Variants in WDR70 observed in about 807,000 individuals in gnomAD.
The protein encoded by WDR70 is WD repeat domain 70.
WDR70 carries 53 observed loss-of-function variants against 88.6 expected under a neutral mutation model. The observed-to-expected ratio is 0.60, with a 90% confidence interval of 0.48 to 0.75. WDR70 has a LOEUF of 0.75. Among genes scored for constraint, WDR70 ranks in the 30% least tolerant of loss-of-function variants. The probability of loss-of-function intolerance (pLI) is 0.00; values close to 1 mark genes in which losing one functional copy is unlikely to be tolerated. For missense variants in WDR70, 610 were observed against 823.2 expected, an observed-to-expected ratio of 0.74 and a Z score of 3.17; for synonymous variants, 280 against 270.0, an observed-to-expected ratio of 1.04 and a Z score of -0.36.
At chr5:37,471,040 C>A (rs11739453) in intron 7 of WDR70, among the ~76,000 whole-genome samples, 1 of 151,868 alleles carries the variant, frequency 6.6e-6, no homozygotes, top group Non-Finnish European at 1.5e-5. Flanking sequence ...TGAGCCACCA[C>A]GCATGGCTAA....
At chr5:37,697,515 A>G in intron 10 of WDR70, 140 bp from the exon 11 acceptor site, 1 of 627,262 alleles carries the variant, frequency 1.6e-6, no homozygotes, top group African/African-American at 1.8e-5. Context: ...TTAGAAAGCA[A>G]ATTATAATCA....
At chr5:37,529,731 C>G (rs1471907594) in intron 9 of WDR70, among the ~76,000 whole-genome samples, 1 of 151,960 alleles carries the variant, frequency 6.6e-6, no homozygotes, top group Non-Finnish European at 1.5e-5. Flanking sequence ...TTGGATGAGT[C>G]TTTAGGGTTT....
chr5:37,387,809 T>A (rs1259201091), intron 3 of WDR70, among the ~76,000 whole-genome samples: 9 of 152,142 alleles, frequency 5.9e-5, no homozygotes. Flanking sequence ...TTTGACTTAC[T>A]TTTCTTTAAA....
At chr5:37,478,288 GCTTCTCTTT>G (rs1739548304) in intron 7 of WDR70, among the ~76,000 whole-genome samples, 1 of 152,138 alleles carries the variant, frequency 6.6e-6, no homozygotes, top group South Asian at 2.1e-4. Flanking sequence ...ACCTGCCATG[GCTTCTCTTT>G]CACCAACAAA....
At chr5:37,724,142 C>A (rs1747902747) in intron 15 of WDR70, 1 of 152,068 alleles carries the variant, frequency 6.6e-6, no homozygotes, top group Admixed American at 6.6e-5. Flanking sequence ...ACTGCTAGTA[C>A]TTTTCTGGGG....
chr5:37,424,117 C>CG (rs1750041904), intron 5 of WDR70, among the ~76,000 whole-genome samples: 1 of 128,124 alleles, frequency 7.8e-6, no homozygotes, highest in East Asian at 2.3e-4. Flanking sequence ...CCACTGCATT[C>CG]CAGCCGTGGC....
chr5:37,660,883 CA>C (rs1249341243), intron 10 of WDR70, among the ~76,000 whole-genome samples: 1 of 151,886 alleles, frequency 6.6e-6, no homozygotes, highest in Non-Finnish European at 1.5e-5. Context: ...TATAATACAA[CA>C]ATAAAAGAAG....
chr5:37,550,498 G>A (rs963386747), intron 9 of WDR70, among the ~76,000 whole-genome samples: 2 of 152,204 alleles, frequency 1.3e-5, no homozygotes, highest in South Asian at 4.1e-4. Context: ...CATTTGGTCT[G>A]CAGTGCAGAT....
intron 10 of WDR70, among the ~76,000 whole-genome samples, chr5:37,622,905 A>C (rs148037570): frequency 2.0e-5 from 3 of 152,288 alleles, no homozygotes; most frequent in African/African-American, 7.2e-5. Context: ...AAAAAAAGAA[A>C]CATTCTAACC....
intron 9 of WDR70, among the ~76,000 whole-genome samples, chr5:37,565,639 C>A (rs1018480449): frequency 1.6e-4 from 25 of 151,994 alleles, no homozygotes; most frequent in South Asian, 1.2e-3. Flanking sequence ...ACTGTTAATT[C>A]CCAGGAAAAC....
chr5:37,635,520 G>A (rs1744937147), intron 10 of WDR70, among the ~76,000 whole-genome samples: 1 of 152,114 alleles, frequency 6.6e-6, no homozygotes, highest in South Asian at 2.1e-4. Flanking sequence ...TGCAGAATTG[G>A]ATTTGGTAGA....
In WDR70 at chr5:37,752,501, C is replaced by T; in HGVS notation, c.1893C>T (p.Thr631=). Reference sequence around the variant, plus strand: ...TTTCTTTTAGGACTCAGCCCAAAACCATGTTTGCCCAAGTTGAATCTGATG... The same window carrying T: ...TTTCTTTTAGGACTCAGCCCAAAACTATGTTTGCCCAAGTTGAATCTGATG... ...SPAYSKTQPK[T]MFAQVESDDE... Residue 631 remains threonine, a synonymous_variant, in exon 18 of 18, where the codon ACC becomes ACT. Transcript: ENST00000265107. 5 of 1,611,786 alleles carry T rather than the reference C, an allele frequency of 3.1e-6. No homozygotes were observed. The highest frequency in any genetic ancestry group is 4.2e-6 in the Non-Finnish European group (5 of 1,179,114).
At chr5:37,516,727 T>A (rs56721754) in intron 9 of WDR70, 137 bp downstream of exon 9, 4,726 of 138,538 alleles carry the variant, frequency 0.034, 133 homozygotes, top group African/African-American at 0.13. Context: ...ATATATATAT[T>A]TTTTTTTTTT....
chr5:37,751,258 C>T (rs1210100694), intron 17 of WDR70, among the ~76,000 whole-genome samples: 1 of 152,196 alleles, frequency 6.6e-6, no homozygotes, highest in African/African-American at 2.4e-5. Flanking sequence ...AACTTATGGC[C>T]TATCAAAACC....
At chr5:37,724,877 T>G in intron 15 of WDR70, 57 bp from the exon 16 acceptor site, 1 of 1,448,652 alleles carries the variant, frequency 6.9e-7, no homozygotes, top group Non-Finnish European at 9.7e-7. Context: ...TTTAACTATG[T>G]TTTTGGATGG....
chr5:37,743,434 G>A (rs556312097), intron 17 of WDR70, among the ~76,000 whole-genome samples: 2 of 152,360 alleles, frequency 1.3e-5, no homozygotes, highest in African/African-American at 2.4e-5. Context: ...GGGGTGACCA[G>A]CACTGGCTAT....
At chr5:37,709,858 G>A (rs1331391375) in intron 13 of WDR70, among the ~76,000 whole-genome samples, 1 of 151,768 alleles carries the variant, frequency 6.6e-6, no homozygotes, top group Non-Finnish European at 1.5e-5. Context: ...AAATCTTTTT[G>A]GGGAATTTCC....
intron 9 of WDR70, among the ~76,000 whole-genome samples, chr5:37,560,512 C>T (rs900645707): frequency 7.2e-5 from 11 of 152,230 alleles, no homozygotes; most frequent in African/African-American, 2.6e-4. Context: ...TATTTTTCTG[C>T]TGTTTCAAAT....
intron 9 of WDR70, among the ~76,000 whole-genome samples, chr5:37,562,534 C>T (rs1308751529): frequency 6.6e-6 from 1 of 151,428 alleles, no homozygotes; most frequent in East Asian, 1.9e-4. Flanking sequence ...GAGGGAAGGT[C>T]AGCAGATAAG....
Sources: allele counts gnomAD v4.1 joint callset (sites outside exome capture counted in the v4.1 genomes callset), GRCh38; gene constraint gnomAD v4.1.1; transcripts MANE v1.5; gene names NCBI Gene and HGNC (gene_info 2026-07-23, HGNC 2026-07-21).